Variants in IRAK1BP1 observed in about 807,000 individuals in gnomAD.
The protein encoded by IRAK1BP1 is interleukin 1 receptor associated kinase 1 binding protein 1.
In IRAK1BP1, 24 loss-of-function variants were observed where a neutral mutation model predicts 28.0. The observed-to-expected ratio is 0.86, with a 90% CI of 0.62 to 1.20. The LOEUF (loss-of-function observed/expected upper bound fraction) is 1.20. Ranked by LOEUF, IRAK1BP1 falls within the 50% of genes most tolerant of loss-of-function variation. The pLI is 0.00. For missense variants in IRAK1BP1, 336 were observed against 316.7 expected (o/e 1.06, Z -0.46); for synonymous variants, 131 against 116.3 (o/e 1.13, Z -0.81).
At chr6:78,955,655 TG>T in the IRAK1BP1 span, 1 of 1,091,006 alleles carries the variant, frequency 9.2e-7, no homozygotes, top group Admixed American at 1.8e-5. Flanking sequence ...AATTATAAAG[TG>T]GAATTATGTT....
chr6:78,928,665 G>T (rs1772957213), intron 4 of IRAK1BP1, among the ~76,000 whole-genome samples: 2 of 151,962 alleles, frequency 1.3e-5, no homozygotes, highest in African/African-American at 4.8e-5. Flanking sequence ...CTAATATATG[G>T]CTTTTATTAT....
At chr6:78,969,696 T>C in the IRAK1BP1 span, 1 of 484,912 alleles carries the variant, frequency 2.1e-6, no homozygotes, top group African/African-American at 2.0e-5. Flanking sequence ...ACATAGTATC[T>C]TACTTTGCTA....
chr6:78,959,352 A>C, the IRAK1BP1 span, among the ~76,000 whole-genome samples: 1 of 152,164 alleles, frequency 6.6e-6, no homozygotes, highest in East Asian at 1.9e-4. Context: ...ATAGAAACAT[A>C]AAGAAAAACT....
downstream of IRAK1BP1, among the ~76,000 whole-genome samples, chr6:78,949,662 C>T (rs572590729): frequency 2.0e-4 from 30 of 151,966 alleles, no homozygotes; most frequent in South Asian, 1.7e-3. Context: ...TGGTAAGCCC[C>T]GACTTTTCTG....
rs199801449 is a variant in IRAK1BP1 at position 78,940,848 on chromosome 6, G to C, written c.*68-4560G>C. On this transcript the variant is annotated intron_variant and NMD_transcript_variant, in intron 4 of 4. Coordinates refer to the IRAK1BP1 transcript ENST00000606868. ...TTATAGAAAGCTGTCCTTCGACCTT[G>C]ATTTCTAGTTCTCATGTGGGGTTCA... 4 of 1,613,946 alleles carry C rather than the reference G, an allele frequency of 2.5e-6. No individual in the cohort carries two copies. Among genetic ancestry groups the C allele is most frequent in the Non-Finnish European group, 2.5e-6 (3 of 1,179,910 alleles).
downstream of IRAK1BP1, chr6:78,946,953 T>G (rs1773855146): frequency 1.3e-6 from 1 of 774,202 alleles, no homozygotes; most frequent in South Asian, 2.0e-5. Context: ...AATGTAAATA[T>G]TTTTCCAGTA....
In IRAK1BP1 at chr6:78,867,639, G is replaced by C; in HGVS notation, c.63G>C (p.Arg21=). ...VFVELVPWAD[R]SRENNLASGR... ...TGGAACTGGTTCCCTGGGCTGACCGGAGCCGGGAGAACAACCTGGCCTCAG... is the reference window on the plus strand; with the variant it reads ...TGGAACTGGTTCCCTGGGCTGACCGCAGCCGGGAGAACAACCTGGCCTCAG... The change falls in exon 1 of 4, where the codon CGG becomes CGC. Residue 21 remains arginine, a synonymous_variant. Coordinates refer to ENST00000369940, the MANE Select transcript of IRAK1BP1 (RefSeq NM_001010844.4). The C allele has an allele frequency of 6.2e-7, 1 of 1,614,234 alleles. No homozygotes were observed. Among genetic ancestry groups the C allele is most frequent in the Non-Finnish European group, 8.5e-7 (1 of 1,180,036 alleles).
At chr6:78,971,316 A>AAAT in the IRAK1BP1 span, among the ~76,000 whole-genome samples, 3 of 152,266 alleles carry the variant, frequency 2.0e-5, no homozygotes, top group Admixed American at 2.0e-4. Flanking sequence ...CTGGTAAGAC[A>AAAT]GCAGGGCATA....
At chr6:78,961,256 C>T in the IRAK1BP1 span, among the ~76,000 whole-genome samples, 142,332 of 151,940 alleles carry the variant, frequency 0.94, 66,733 homozygotes, top group East Asian at 1. Context: ...AAGCTGAATA[C>T]AGGCAAAATA....
intron 2 of IRAK1BP1, among the ~76,000 whole-genome samples, chr6:78,889,222 C>G (rs1425601958): frequency 6.6e-6 from 1 of 151,682 alleles, no homozygotes; most frequent in Non-Finnish European, 1.5e-5. Context: ...TCTTTATCTA[C>G]CTTCCACCTG....
chr6:78,913,151 C>T (rs1277464479), intron 4 of IRAK1BP1, among the ~76,000 whole-genome samples: 3 of 151,376 alleles, frequency 2.0e-5, no homozygotes, highest in South Asian at 4.2e-4. Context: ...CTGGCTAACA[C>T]GGTGAAACCC....
At chr6:78,920,060 C>G (rs1772680191) in intron 4 of IRAK1BP1, among the ~76,000 whole-genome samples, 1 of 152,098 alleles carries the variant, frequency 6.6e-6, no homozygotes, top group South Asian at 2.1e-4. Flanking sequence ...TCGAGACCAT[C>G]CTGGCCAACA....
the IRAK1BP1 span, chr6:78,958,242 G>A: frequency 2.8e-6 from 1 of 352,144 alleles, no homozygotes; most frequent in African/African-American, 2.1e-5. Flanking sequence ...AAACACAATG[G>A]TAATACGATT....
chr6:78,930,493 C>G (rs1296881503), intron 4 of IRAK1BP1, among the ~76,000 whole-genome samples: 4 of 152,046 alleles, frequency 2.6e-5, no homozygotes, highest in Non-Finnish European at 5.9e-5. Context: ...TGCTGTTCTA[C>G]AAAAATACTT....
the IRAK1BP1 span, among the ~76,000 whole-genome samples, chr6:78,978,065 C>T: frequency 6.6e-6 from 1 of 152,030 alleles, no homozygotes; most frequent in East Asian, 1.9e-4. Flanking sequence ...CATTTTCATT[C>T]TAAATTCACA....
intron 2 of IRAK1BP1, among the ~76,000 whole-genome samples, chr6:78,890,888 C>CA (rs1771628408): frequency 1.3e-5 from 2 of 152,178 alleles, no homozygotes; most frequent in African/African-American, 4.8e-5. Flanking sequence ...TTAATGCCCT[C>CA]TGAAAGATGT....
At chr6:78,922,973 C>G (rs1772782172) in intron 4 of IRAK1BP1, among the ~76,000 whole-genome samples, 1 of 152,114 alleles carries the variant, frequency 6.6e-6, no homozygotes, top group Non-Finnish European at 1.5e-5. Context: ...AAAAACATGC[C>G]AAATTGTAAA....
chr6:78,945,214 A>G, intron 4 of IRAK1BP1: 1 of 1,011,600 alleles, frequency 9.9e-7, no homozygotes, highest in East Asian at 2.4e-5. Context: ...GGCAACCTGA[A>G]AAGTGGATAT....
chr6:78,915,646 C>T (rs1772540997), intron 4 of IRAK1BP1, among the ~76,000 whole-genome samples: 1 of 152,192 alleles, frequency 6.6e-6, no homozygotes, highest in South Asian at 2.1e-4. Flanking sequence ...GCCAAACCTT[C>T]CTTAGACTAC....
Sources: gnomAD v4.1 joint callset for allele counts (sites outside exome capture counted in the v4.1 genomes callset) on GRCh38, gnomAD v4.1.1 for gene constraint, MANE v1.5 for transcripts, NCBI Gene and HGNC (gene_info 2026-07-23, HGNC 2026-07-21) for gene names.